The following CYFIP2 variants were observed in gnomAD, a reference collection of about 807,000 sequenced individuals.
The protein encoded by CYFIP2 is cytoplasmic FMR1 interacting protein 2, also known as cytoplasmic FMR1-interacting protein 2.
CYFIP2 carries 29 observed loss-of-function variants against 158.7 expected under a neutral mutation model. That is an observed-to-expected ratio of 0.18 (90% CI 0.14 to 0.25). The LOEUF is 0.25. Among genes scored for constraint, CYFIP2 ranks in the 10% least tolerant of loss-of-function variants. The pLI, the probability that CYFIP2 is intolerant of heterozygous loss-of-function variation, is 1.00. For synonymous variants in CYFIP2, 585 were observed against 617.6 expected (o/e 0.95, Z 0.78); for missense variants, 852 against 1,639.5 (o/e 0.52, Z 8.29).
At chr5:157,358,663 G>A (rs565716531) in intron 23 of CYFIP2, among the ~76,000 whole-genome samples, 22 of 152,248 alleles carry the variant, frequency 1.4e-4, no homozygotes, top group Admixed American at 1.0e-3. Context: ...AAAGGATATC[G>A]GCTGTTTATC....
chr5:157,369,898 T>TA (rs1290360076), intron 26 of CYFIP2, among the ~76,000 whole-genome samples: 1,723 of 149,550 alleles, frequency 0.012, 79 homozygotes, highest in East Asian at 0.11. Context: ...TTTTTTTTTT[T>TA]AAAGACAGAG....
At position 157,361,920 on chromosome 5, in the gene CYFIP2, A is replaced by G. The variant is rs1218359472; in HGVS notation, c.3039+322A>G. 1.3e-5 allele frequency among the ~76,000 whole-genome samples: 2 copies of G among 152,210 alleles called. No individual in the cohort carries two copies. The highest frequency in any genetic ancestry group is 2.9e-5 in the Non-Finnish European group (2 of 68,036). The stretch of plus-strand genomic sequence containing the variant: ...GGTGTTTATTTTCAGAGTACCAAGC[A>G]AGGAGAACTGAGCAGTTCTCTCTTA... On this transcript the variant is annotated intron_variant, in intron 26 of 30. Coordinates refer to ENST00000620254, the MANE Select transcript of CYFIP2 (RefSeq NM_001037333.3). The surrounding 1 kb of genome is among the most constrained non-coding windows in gnomAD (Gnocchi z 4.4).
At chr5:157,280,363 A>ATTTTTTTTTTTTTTTT (rs57893061) in intron 1 of CYFIP2, among the ~76,000 whole-genome samples, 83 of 133,184 alleles carry the variant, frequency 6.2e-4, no homozygotes, top group African/African-American at 1.8e-3. Flanking sequence ...CGCCTGGCTA[A>ATTTTTTTTTTTTTTTT]TTTTTTTTTT....
chr5:157,364,026 A>G (rs980181960), intron 26 of CYFIP2: 5 of 152,054 alleles, frequency 3.3e-5, no homozygotes, highest in South Asian at 2.1e-4. Context: ...TATAAGGAGT[A>G]ATTGCTTCTC....
At chr5:157,383,844 C>T (rs759598284) in intron 28 of CYFIP2, among the ~76,000 whole-genome samples, 9 of 152,166 alleles carry the variant, frequency 5.9e-5, no homozygotes, top group Admixed American at 1.3e-4. Flanking sequence ...TTGCATATCA[C>T]GTATGTACTT....
intron 23 of CYFIP2, among the ~76,000 whole-genome samples, chr5:157,346,053 C>A (rs897633609): frequency 2.2e-4 from 33 of 152,162 alleles, no homozygotes; most frequent in African/African-American, 8.0e-4. Flanking sequence ...CTGCCTACCC[C>A]ACCTCTTTAT....
rs754941351 is a variant in CYFIP2 at position 157,377,365 on chromosome 5, G to A, written c.3040-5225G>A. 3.4e-4 allele frequency among the ~76,000 whole-genome samples: 52 copies of A among 151,512 alleles called. 2 individuals are homozygous for A. The highest frequency in any genetic ancestry group is 6.8e-3 in the Middle Eastern group (2 of 294). ...CTGCCCTACTGTGGCCTCTTGCTTT[G>A]GGGCCTTTGCAGGTACTGTTCCCCC... On this transcript the variant is annotated intron_variant, in intron 26 of 30. Coordinates refer to ENST00000620254, the MANE Select transcript of CYFIP2 (RefSeq NM_001037333.3).
At position 157,326,165 on chromosome 5, in the gene CYFIP2, C is replaced by T. The variant is rs1205929605; in HGVS notation, c.1983-6C>T. On this transcript the variant is annotated splice_polypyrimidine_tract_variant and splice_region_variant and intron_variant, in intron 17 of 30. Transcript: ENST00000620254. ...CAAGCGGCTGGCTGTGTTTTTCCCT[C>T]TTCAGGTATGTCCTCTACCCTCTGG... is the stretch of plus-strand genomic sequence containing the variant. 4.3e-6 allele frequency: 7 copies of T among 1,611,380 alleles called. No homozygotes were observed. The highest frequency in any genetic ancestry group is 1.1e-5 in the South Asian group (1 of 90,948).
chr5:157,376,798 T>C (rs1183656343), intron 26 of CYFIP2: 1 of 437,654 alleles, frequency 2.3e-6, no homozygotes, highest in South Asian at 1.6e-5. Flanking sequence ...TCAGCCTCCA[T>C]CCCATGCTGA....
chr5:157,288,193 A>G (rs1381046126), intron 3 of CYFIP2, among the ~76,000 whole-genome samples: 1 of 152,220 alleles, frequency 6.6e-6, no homozygotes, highest in Non-Finnish European at 1.5e-5. Flanking sequence ...ACTGTATCAT[A>G]TCATGGCAGA....
At chr5:157,349,868 G>T (rs372914516) in intron 23 of CYFIP2, among the ~76,000 whole-genome samples, 1 of 152,184 alleles carries the variant, frequency 6.6e-6, no homozygotes, top group Non-Finnish European at 1.5e-5. Flanking sequence ...GATCATTAGC[G>T]ATGCTGAGCT....
intron 26 of CYFIP2, among the ~76,000 whole-genome samples, chr5:157,381,400 G>T (rs772708976): frequency 1.3e-5 from 2 of 151,748 alleles, no homozygotes; most frequent in Non-Finnish European, 2.9e-5. Flanking sequence ...GATGGCGAGC[G>T]CCTGTAGTCT....
intron 1 of CYFIP2, among the ~76,000 whole-genome samples, chr5:157,280,444 G>A (rs976859459): frequency 4.0e-5 from 6 of 150,104 alleles, no homozygotes; most frequent in Non-Finnish European, 5.9e-5. Flanking sequence ...GGCTGGTCTC[G>A]AACTCCTGAC....
At chr5:157,378,832 G>A (rs1765758935) in intron 26 of CYFIP2, among the ~76,000 whole-genome samples, 1 of 152,180 alleles carries the variant, frequency 6.6e-6, no homozygotes, top group Admixed American at 6.5e-5. Flanking sequence ...AAAAGTGGTT[G>A]TATTTTACAG....
intron 26 of CYFIP2, among the ~76,000 whole-genome samples, chr5:157,368,902 G>C (rs145192318): frequency 7.0e-6 from 1 of 143,294 alleles, no homozygotes; most frequent in African/African-American, 2.6e-5. Context: ...TTGTTTTTTT[G>C]TTTTTTTTTT....
At chr5:157,364,204 C>CGGGGGGGGGGGGGGGGGGGGGGGGGGGG (rs926942944) in intron 26 of CYFIP2, 1 of 38,330 alleles carries the variant, frequency 2.6e-5, no homozygotes. Context: ...GGCGGGGTGG[C>CGGGGGGGGGGGGGGGGGGGGGGGGGGGG]GGGGGGGGGT....
intron 13 of CYFIP2, among the ~76,000 whole-genome samples, chr5:157,315,578 A>T (rs1365194323): frequency 6.6e-6 from 1 of 152,220 alleles, no homozygotes; most frequent in East Asian, 1.9e-4. Context: ...CAATCTGATT[A>T]TATGTACTCA....
intron 3 of CYFIP2, chr5:157,288,778 A>G (rs1757596995): frequency 2.8e-6 from 1 of 363,262 alleles, no homozygotes. Context: ...GGTCTGCCTG[A>G]CTACAAAACC....
intron 28 of CYFIP2, among the ~76,000 whole-genome samples, chr5:157,387,690 T>TA (rs1159293168): frequency 1.4e-5 from 2 of 145,202 alleles, no homozygotes; most frequent in East Asian, 2.0e-4. Flanking sequence ...TTTTTTTTTT[T>TA]AACACAAGAG....
Sources: gnomAD v4.1 joint callset for allele counts (sites outside exome capture counted in the v4.1 genomes callset) on GRCh38, gnomAD v4.1.1 for gene constraint, Gnocchi (gnomAD v3.1) non-coding constraint, MANE v1.5 for transcripts, NCBI Gene and HGNC (gene_info 2026-07-23, HGNC 2026-07-21) for gene names.